Variants in THSD4 observed in about 807,000 individuals in gnomAD.
THSD4 encodes thrombospondin type 1 domain containing 4.
THSD4 carries 69 observed loss-of-function variants against 119.0 expected under a neutral mutation model. The ratio of observed to expected loss-of-function variants is 0.58; its 90% CI spans 0.48 to 0.71. The LOEUF is 0.71. Ranked by LOEUF, THSD4 falls within the 30% of genes least tolerant of loss-of-function variation. THSD4 has a pLI of 0.00. For missense variants in THSD4, 1,393 were observed against 1,391.1 expected (o/e 1.00, Z -0.02); for synonymous variants, 524 against 540.4 (o/e 0.97, Z 0.42).
rs571872211 is a variant in THSD4 at position 71,433,489 on chromosome 15, C to A, written c.1152+21666C>A. ...TTTTTTGGTTTGTTTGTTTGTTTTG[C>A]AAAAGCAAAACCAGTCTATCCTTGT... On this transcript the variant is annotated intron_variant, in intron 7 of 17. Coordinates refer to ENST00000261862, the MANE Select transcript of THSD4 (RefSeq NM_024817.3). Among the ~76,000 whole-genome samples, 4 of 142,604 alleles carry A rather than the reference C, an allele frequency of 2.8e-5. No homozygotes were observed. The East Asian group carries it at 6.1e-4, about 22-fold the overall frequency. 93.6% of individuals were successfully genotyped at this position (142,604 alleles called of 152,430 possible). A position where few individuals can be genotyped will look rare whatever the true frequency, so the allele number is the denominator to read the frequency against.
chr15:71,309,875 T>C (rs1171825199), intron 6 of THSD4, among the ~76,000 whole-genome samples: 2 of 152,200 alleles, frequency 1.3e-5, no homozygotes, highest in African/African-American at 4.8e-5. Flanking sequence ...ACAGAGAATA[T>C]GGGCTGCCTG....
chr15:71,129,847 C>T (rs566685369), intron 1 of THSD4, among the ~76,000 whole-genome samples: 12 of 152,322 alleles, frequency 7.9e-5, no homozygotes, highest in African/African-American at 2.9e-4. Context: ...CGTCAATGCG[C>T]AAGCCTCAGG....
intron 7 of THSD4, among the ~76,000 whole-genome samples, chr15:71,492,622 C>T (rs1357818808): frequency 6.6e-6 from 1 of 152,124 alleles, no homozygotes; most frequent in Non-Finnish European, 1.5e-5. Context: ...AGCAAAACCG[C>T]TGAGGACCTG....
At chr15:71,763,901 C>CAA (rs934725283) in intron 15 of THSD4, among the ~76,000 whole-genome samples, 63 of 151,896 alleles carry the variant, frequency 4.1e-4, no homozygotes, top group African/African-American at 1.5e-3. Context: ...CCCATCTCTA[C>CAA]AAAAAAATAC....
chr15:71,325,069 C>T (rs1237250593), intron 6 of THSD4, among the ~76,000 whole-genome samples: 1 of 152,126 alleles, frequency 6.6e-6, no homozygotes, highest in Admixed American at 6.5e-5. Flanking sequence ...TGATGTAGAG[C>T]ATTTTTTCAT....
chr15:71,248,063 A>G (rs946226013), intron 5 of THSD4, among the ~76,000 whole-genome samples: 1 of 152,204 alleles, frequency 6.6e-6, no homozygotes, highest in African/African-American at 2.4e-5. Context: ...GCTTGAGGCC[A>G]GAGGCCAGGA....
chr15:71,358,593 C>G (rs143860169), intron 6 of THSD4, among the ~76,000 whole-genome samples: 1 of 152,338 alleles, frequency 6.6e-6, no homozygotes, highest in African/African-American at 2.4e-5. Flanking sequence ...GACAAGACTC[C>G]ACTTCACTGT....
chr15:71,534,128 G>A (rs919784997), intron 7 of THSD4, among the ~76,000 whole-genome samples: 9 of 152,090 alleles, frequency 5.9e-5, no homozygotes, highest in South Asian at 2.1e-4. Flanking sequence ...TTTCAATTTT[G>A]TTGTAGAGAC....
In THSD4 at chr15:71,583,645, C is replaced by T. The variant is rs187868547; in HGVS notation, c.1153-76885C>T. On this transcript the variant is annotated intron_variant, in intron 7 of 17. Transcript: ENST00000261862. ...TAATATGTATTTTTATTTTCCCTTTCGATTTCTTCCTTGATGGTTGTTCAA... is the reference window on the plus strand; with the variant it reads ...TAATATGTATTTTTATTTTCCCTTTTGATTTCTTCCTTGATGGTTGTTCAA... Among the ~76,000 whole-genome samples, 181 of 152,012 alleles carry T rather than the reference C, an allele frequency of 1.2e-3. 1 individual carries two copies. The East Asian group carries it at 0.031, about 26-fold the overall frequency.
intron 6 of THSD4, among the ~76,000 whole-genome samples, chr15:71,316,677 C>T (rs1014304626): frequency 2.6e-5 from 4 of 152,154 alleles, no homozygotes; most frequent in African/African-American, 9.7e-5. Context: ...CAAGCTTCCT[C>T]AGTTCCAGCA....
intron 6 of THSD4, among the ~76,000 whole-genome samples, chr15:71,377,868 A>C (rs2046161276): frequency 4.5e-5 from 1 of 22,430 alleles, no homozygotes; most frequent in Non-Finnish European, 1.1e-4. Context: ...CATATCCACA[A>C]CACACACACA....
chr15:71,226,750 AG>A (rs924889037), intron 4 of THSD4, among the ~76,000 whole-genome samples: 7 of 152,302 alleles, frequency 4.6e-5, no homozygotes, highest in Non-Finnish European at 8.8e-5. Flanking sequence ...TGTTACCTAC[AG>A]GGGGGCAGAA....
intron 3 of THSD4, chr15:71,164,719 G>A: frequency 1.3e-6 from 2 of 1,558,730 alleles, no homozygotes. Flanking sequence ...GTTGTGTACA[G>A]GGGGGTTAAA....
At chr15:71,526,722 C>T (rs886462109) in intron 7 of THSD4, among the ~76,000 whole-genome samples, 2 of 152,172 alleles carry the variant, frequency 1.3e-5, no homozygotes, top group African/African-American at 4.8e-5. Context: ...ATCCCTAGGG[C>T]TAGTGTGGTA....
At chr15:71,186,649 T>C (rs1445669876) in intron 3 of THSD4, 1 of 152,278 alleles carries the variant, frequency 6.6e-6, no homozygotes, top group Non-Finnish European at 1.5e-5. Context: ...ACTTAACTTC[T>C]GTAACATTTG....
intron 17 of THSD4, 24 bp downstream of exon 17, chr15:71,771,232 G>C: frequency 6.2e-7 from 1 of 1,611,598 alleles, no homozygotes; most frequent in Non-Finnish European, 8.5e-7. Context: ...TCAATCATGG[G>C]GGAAAGGTTT....
intron 7 of THSD4, among the ~76,000 whole-genome samples, chr15:71,505,296 TC>T (rs1448153676): frequency 6.6e-6 from 1 of 152,348 alleles, no homozygotes; most frequent in African/African-American, 2.4e-5. Flanking sequence ...ACAATTATTC[TC>T]TTTTGCTTTA....
At chr15:71,679,932 G>C (rs1057429440) in intron 8 of THSD4, among the ~76,000 whole-genome samples, 1 of 152,176 alleles carries the variant, frequency 6.6e-6, no homozygotes, top group African/African-American at 2.4e-5. Flanking sequence ...AAATTTGACC[G>C]TGTTAGAAAA....
intron 7 of THSD4, among the ~76,000 whole-genome samples, chr15:71,587,680 G>A (rs58171981): frequency 0.058 from 7,823 of 134,584 alleles, 870 homozygotes; most frequent in East Asian, 0.46. Flanking sequence ...GCTAGATGAC[G>A]AGTTAGTGGG....
Sources: allele counts gnomAD v4.1 joint callset (sites outside exome capture counted in the v4.1 genomes callset), GRCh38; gene constraint gnomAD v4.1.1; transcripts MANE v1.5; gene names NCBI Gene and HGNC (gene_info 2026-07-23, HGNC 2026-07-21).